The following CNTN6 variants were observed in gnomAD, a reference collection of about 807,000 sequenced individuals.
CNTN6 encodes the protein contactin 6.
Under a neutral mutation model 122.8 loss-of-function variants are expected in CNTN6, and 137 were observed. That is an observed-to-expected ratio of 1.12 (90% confidence interval 0.97 to 1.29). The LOEUF is 1.29. Among genes scored for constraint, CNTN6 ranks in the 50% most tolerant of loss-of-function variants. The pLI, the probability that CNTN6 is intolerant of heterozygous loss-of-function variation, is 0.00. For missense variants in CNTN6, 1,634 were observed against 1,223.4 expected, an observed-to-expected ratio of 1.34 and a Z score of -5.01; for synonymous variants, 570 against 426.0, an observed-to-expected ratio of 1.34 and a Z score of -4.16.
intron 4 of CNTN6, among the ~76,000 whole-genome samples, chr3:1,256,061 A>C (rs2094752635): frequency 6.6e-6 from 1 of 151,920 alleles, no homozygotes. Flanking sequence ...TGTAGAGACA[A>C]GGTCTCCCTA....
chr3:1,114,875 G>C (rs1041892414), intron 1 of CNTN6, among the ~76,000 whole-genome samples: 1 of 152,142 alleles, frequency 6.6e-6, no homozygotes, highest in African/African-American at 2.4e-5. Context: ...ACTGGAAGAA[G>C]CAAGTGAATT....
At chr3:1,178,436 CATCT>C (rs1245315754) in intron 2 of CNTN6, among the ~76,000 whole-genome samples, 1 of 152,012 alleles carries the variant, frequency 6.6e-6, no homozygotes, top group Non-Finnish European at 1.5e-5. Flanking sequence ...TGATTTTTAC[CATCT>C]ATCTATTGAA....
intron 7 of CNTN6, among the ~76,000 whole-genome samples, chr3:1,308,795 G>C (rs1330899726): frequency 6.6e-6 from 1 of 151,892 alleles, no homozygotes; most frequent in African/African-American, 2.4e-5. Context: ...GATATTGTGT[G>C]TGTTTTTGTT....
intron 2 of CNTN6, among the ~76,000 whole-genome samples, chr3:1,219,529 T>C (rs1204521745): frequency 2.0e-5 from 3 of 152,214 alleles, no homozygotes; most frequent in African/African-American, 7.2e-5. Context: ...CCTTTTATTA[T>C]ATGTGCCCTT....
At position 1,360,553 on chromosome 3, in the gene CNTN6, A is replaced by G. The variant is rs1012020297; in HGVS notation, c.1492+8102A>G. Among the ~76,000 whole-genome samples, 8 of 152,162 alleles carry G rather than the reference A, an allele frequency of 5.3e-5. No individual in the cohort carries two copies. The East Asian group carries it at 9.7e-4, about 18-fold the overall frequency. ...TATGTATGTATATAAACATACATGT[A>G]TATTCTATACACATTCTATATATTC... On this transcript the variant is annotated intron_variant, in intron 12 of 22. Coordinates refer to ENST00000446702, the MANE Select transcript of CNTN6 (RefSeq NM_001289080.2).
intron 11 of CNTN6, among the ~76,000 whole-genome samples, chr3:1,332,223 T>A (rs1702388523): frequency 6.6e-6 from 1 of 151,932 alleles, no homozygotes; most frequent in Non-Finnish European, 1.5e-5. Flanking sequence ...CCGGTAGAGA[T>A]TACACTGAGC....
chr3:1,098,756 GCACA>G (rs57847953), intron 1 of CNTN6, among the ~76,000 whole-genome samples: 1,191 of 88,938 alleles, frequency 0.013, 16 homozygotes, highest in Middle Eastern at 0.043. Context: ...TGGCAGTAAT[GCACA>G]CACACACACA....
intron 7 of CNTN6, among the ~76,000 whole-genome samples, chr3:1,306,325 G>T (rs1575630488): frequency 6.6e-6 from 1 of 151,980 alleles, no homozygotes; most frequent in East Asian, 1.9e-4. Flanking sequence ...GGTATTGCTT[G>T]GCATAAAATA....
chr3:1,259,696 A>G (rs190242645), intron 4 of CNTN6, among the ~76,000 whole-genome samples: 10 of 152,228 alleles, frequency 6.6e-5, no homozygotes, highest in Admixed American at 6.5e-4. Flanking sequence ...TGCATGTTAC[A>G]TTCTGAGCCT....
chr3:1,115,043 T>C (rs928597721), intron 1 of CNTN6, among the ~76,000 whole-genome samples: 1 of 152,106 alleles, frequency 6.6e-6, no homozygotes, highest in African/African-American at 2.4e-5. Context: ...TGTAGGTAAA[T>C]TGAGCTGCAG....
In CNTN6 at chr3:1,318,091, A is replaced by T. The variant is rs373443589; in HGVS notation, c.762-3559A>T. 5.3e-5 allele frequency among the ~76,000 whole-genome samples: 8 copies of T among 151,794 alleles called. No homozygotes were observed. The East Asian group carries it at 9.8e-4, about 19-fold the overall frequency. ...TGAGAAAGAAGAAAAAAAGGAAAGA[A>T]AGAGAGAAGGAAAGAAAGAAAGAAA... On this transcript the variant is annotated intron_variant, in intron 7 of 22. Coordinates refer to ENST00000446702, the MANE Select transcript of CNTN6 (RefSeq NM_001289080.2).
chr3:1,218,968 G>A (rs2094167375), intron 2 of CNTN6, among the ~76,000 whole-genome samples: 1 of 148,422 alleles, frequency 6.7e-6, no homozygotes, highest in African/African-American at 2.6e-5. Context: ...CAGAAAGGAA[G>A]AATTCAAAGA....
At chr3:1,380,016 A>C (rs1258047977) in intron 17 of CNTN6, among the ~76,000 whole-genome samples, 2 of 152,210 alleles carry the variant, frequency 1.3e-5, no homozygotes, top group African/African-American at 4.8e-5. Context: ...TAGAGGACAG[A>C]ATGGTCTTAA....
intron 2 of CNTN6, among the ~76,000 whole-genome samples, chr3:1,170,659 T>A (rs1233326376): frequency 6.6e-6 from 1 of 152,214 alleles, no homozygotes; most frequent in Non-Finnish European, 1.5e-5. Flanking sequence ...AGAACCAAAT[T>A]AAGTGTGTCA....
Position 1,388,295 on chromosome 3 carries a change from G to A in CNTN6, c.2704+2498G>A, listed in dbSNP as rs895849881. 5.3e-3 allele frequency among the ~76,000 whole-genome samples: 782 copies of A among 147,806 alleles called. 11 individuals are homozygous for A. Among genetic ancestry groups the A allele is most frequent in the South Asian group, 0.012 (54 of 4,512 alleles). On this transcript the variant is annotated intron_variant, in intron 20 of 22. Transcript: ENST00000446702. ...CCTAACTGGGAGGCACCCCCCAGCA[G>A]GGGCACACTGACACCTCACACGGCA...
intron 4 of CNTN6, among the ~76,000 whole-genome samples, chr3:1,244,058 T>A (rs951466741): frequency 1.3e-5 from 2 of 152,162 alleles, no homozygotes; most frequent in African/African-American, 2.4e-5. Flanking sequence ...TATTTAGGTC[T>A]TGTAGGATGG....
In CNTN6 at chr3:1,155,548, C is replaced by T. The variant is rs188043444; in HGVS notation, c.55+7485C>T. On this transcript the variant is annotated intron_variant, in intron 2 of 22. Coordinates refer to ENST00000446702, the MANE Select transcript of CNTN6 (RefSeq NM_001289080.2). ...AGAAAGCTATTCCTAATTTTTGAAA[C>T]GAATACAGTTTGCTTAGACACACTT... Among the ~76,000 whole-genome samples, 37 of 151,992 alleles carry T rather than the reference C, an allele frequency of 2.4e-4. No homozygotes were observed. The East Asian group carries it at 5.6e-3, about 23-fold the overall frequency.
chr3:1,141,816 G>C (rs2092614263), intron 1 of CNTN6, among the ~76,000 whole-genome samples: 1 of 152,092 alleles, frequency 6.6e-6, no homozygotes, highest in African/African-American at 2.4e-5. Context: ...ATTCTCTGTA[G>C]CTTCTAAGTT....
chr3:1,135,601 T>C (rs76495836), intron 1 of CNTN6, among the ~76,000 whole-genome samples: 2,188 of 147,984 alleles, frequency 0.015, 54 homozygotes, highest in African/African-American at 0.054. Flanking sequence ...CACACACACA[T>C]ACATAAATAC....
Sources: allele counts gnomAD v4.1 joint callset (sites outside exome capture counted in the v4.1 genomes callset), GRCh38; gene constraint gnomAD v4.1.1; transcripts MANE v1.5; gene names NCBI Gene and HGNC (gene_info 2026-07-23, HGNC 2026-07-21).